The following NDRG1 variants were observed in gnomAD, a reference collection of about 807,000 sequenced individuals.
NDRG1 encodes protein NDRG1.
NDRG1 carries 32 observed loss-of-function variants against 56.9 expected under a neutral mutation model. The observed-to-expected ratio is 0.56, with a 90% CI of 0.42 to 0.76. The LOEUF (loss-of-function observed/expected upper bound fraction) is 0.76, where lower values mean the gene tolerates loss of function less well. Among genes scored for constraint, NDRG1 ranks in the 30% least tolerant of loss-of-function variants. The pLI, the probability that NDRG1 is intolerant of heterozygous loss-of-function variation, is 0.00. For missense variants in NDRG1, 507 were observed against 545.7 expected, an observed-to-expected ratio of 0.93 and a Z score of 0.71; for synonymous variants, 211 against 204.1, an observed-to-expected ratio of 1.03 and a Z score of -0.29.
chr8:133,266,390 C>T (rs1421175599), intron 3 of NDRG1, among the ~76,000 whole-genome samples: 2 of 152,242 alleles, frequency 1.3e-5, no homozygotes, highest in African/African-American at 2.4e-5. Context: ...CAGATCACTG[C>T]CGTGTGGCAG....
chr8:133,259,311 G>A (rs908177162), intron 5 of NDRG1, 81 bp from the exon 6 acceptor site: 364 of 1,421,116 alleles, frequency 2.6e-4, no homozygotes, highest in Middle Eastern at 1.6e-3. Context: ...TGAAGGGTGG[G>A]GACCATGCAG....
intron 9 of NDRG1, among the ~76,000 whole-genome samples, chr8:133,253,194 G>A (rs1856168702): frequency 6.6e-6 from 1 of 152,244 alleles, no homozygotes; most frequent in African/African-American, 2.4e-5. Flanking sequence ...GGGCCAGGCA[G>A]GCTGGGCTGA....
At chr8:133,284,421 C>T (rs1203375094) in intron 1 of NDRG1, 92 bp from the exon 2 acceptor site, 14 of 1,155,666 alleles carry the variant, frequency 1.2e-5, no homozygotes, top group Non-Finnish European at 1.7e-5. Context: ...GAAGGCCAGG[C>T]CTGCGCTCTG....
At chr8:133,275,635 T>C (rs1427016866) in intron 3 of NDRG1, among the ~76,000 whole-genome samples, 1 of 152,202 alleles carries the variant, frequency 6.6e-6, no homozygotes, top group African/African-American at 2.4e-5. Context: ...TTCACTGTTA[T>C]CTTCAAAGCA....
At chr8:133,266,195 G>A (rs1005476081) in intron 3 of NDRG1, among the ~76,000 whole-genome samples, 1 of 152,206 alleles carries the variant, frequency 6.6e-6, no homozygotes. Context: ...CAGCCTCCGC[G>A]GGGCCCCAGG....
At chr8:133,251,671 A>G (rs1856055025) in intron 9 of NDRG1, among the ~76,000 whole-genome samples, 1 of 152,224 alleles carries the variant, frequency 6.6e-6, no homozygotes, top group African/African-American at 2.4e-5. Flanking sequence ...TGTGGAATGA[A>G]TCGTAAAAGG....
At position 133,292,062 on chromosome 8, in the gene NDRG1, TGGCAGACAGAA is replaced by T. The variant is rs533345159; in HGVS notation, c.-19+5061_-19+5071del. ...GTTTTGGCAGCACGAGTAATTTGTTTGGCAGACAGAAGACGACCGTCTGAGGGGACGAGGTG... is the reference window on the plus strand; with the variant it reads ...GTTTTGGCAGCACGAGTAATTTGTTTGACGACCGTCTGAGGGGACGAGGTG... On this transcript the variant is annotated intron_variant, in intron 1 of 15. Transcript: ENST00000323851. Among the ~76,000 whole-genome samples, 13 of 152,236 alleles carry T rather than the reference TGGCAGACAGAA, an allele frequency of 8.5e-5. No individual in the cohort carries two copies. The South Asian group carries it at 2.5e-3, about 29-fold the overall frequency.
At chr8:133,247,332 AC>A (rs1312570286) in intron 12 of NDRG1, among the ~76,000 whole-genome samples, 2 of 152,248 alleles carry the variant, frequency 1.3e-5, no homozygotes, top group African/African-American at 4.8e-5. Context: ...AGATCACTGC[AC>A]AAAGCATGGC....
At chr8:133,239,282 CGG>C in intron 15 of NDRG1, 163 bp from the exon 16 acceptor site, 1 of 1,131,816 alleles carries the variant, frequency 8.8e-7, no homozygotes, top group Non-Finnish European at 1.3e-6. Flanking sequence ...CATGTCCACT[CGG>C]AGAGAGAGAT....
intron 9 of NDRG1, among the ~76,000 whole-genome samples, chr8:133,251,914 C>G (rs971025014): frequency 2.0e-5 from 3 of 152,092 alleles, no homozygotes; most frequent in Non-Finnish European, 4.4e-5. Context: ...AGGAGAAGAC[C>G]ATGTGAAGAC....
At chr8:133,251,321 G>A (rs1227086270) in intron 9 of NDRG1, among the ~76,000 whole-genome samples, 2 of 152,204 alleles carry the variant, frequency 1.3e-5, no homozygotes, top group Non-Finnish European at 2.9e-5. Context: ...GGAGTTGGGG[G>A]TCAAAGAAAG....
intron 12 of NDRG1, among the ~76,000 whole-genome samples, chr8:133,247,124 G>A (rs1001322422): frequency 6.6e-6 from 1 of 152,144 alleles, no homozygotes; most frequent in Non-Finnish European, 1.5e-5. Context: ...GGGGCATCTG[G>A]AATTGGGCAG....
At chr8:133,258,566 A>G (rs1856500486) in intron 6 of NDRG1, 140 bp from the exon 7 acceptor site, 4 of 813,086 alleles carry the variant, frequency 4.9e-6, no homozygotes, top group Admixed American at 4.1e-5. Flanking sequence ...CACAGCTCTG[A>G]GGTCACCATG....
At chr8:133,243,654 CT>C (rs778370932) in intron 14 of NDRG1, among the ~76,000 whole-genome samples, 3 of 152,014 alleles carry the variant, frequency 2.0e-5, no homozygotes, top group Non-Finnish European at 2.9e-5. Flanking sequence ...TACATCTGTT[CT>C]CATTTTAAGT....
Position 133,266,274 on chromosome 8 carries a change from C to T in NDRG1, c.100-1622G>A, listed in dbSNP as rs575202763. On this transcript the variant is annotated intron_variant, in intron 3 of 15. Coordinates refer to ENST00000323851, the MANE Select transcript of NDRG1 (RefSeq NM_006096.4). ...CTCACGAGGCCACCTCAGCTCAGCA[C>T]GCTGCATTGATTTTCCAAAGATTAA... 3.9e-5 allele frequency among the ~76,000 whole-genome samples: 6 copies of T among 152,374 alleles called. No individual in the cohort carries two copies. In the South Asian group the frequency reaches 8.3e-4, roughly 21 times the overall value.
chr8:133,262,004 C>T, intron 5 of NDRG1, 43 bp downstream of exon 5: 1 of 1,543,990 alleles, frequency 6.5e-7, no homozygotes, highest in Non-Finnish European at 8.7e-7. Flanking sequence ...CCCCGACACC[C>T]AGTTTCCACC....
chr8:133,263,530 C>T (rs1045136280), intron 4 of NDRG1, among the ~76,000 whole-genome samples: 5 of 152,200 alleles, frequency 3.3e-5, no homozygotes, highest in Admixed American at 2.6e-4. Context: ...CTAAGAAAAC[C>T]CTCCTGGTAA....
intron 10 of NDRG1, among the ~76,000 whole-genome samples, chr8:133,250,184 T>C (rs1855934422): frequency 6.6e-6 from 1 of 152,204 alleles, no homozygotes; most frequent in Non-Finnish European, 1.5e-5. Flanking sequence ...AGTGTGCGAC[T>C]GCGTCCCTCT....
In NDRG1 at chr8:133,242,117, G is replaced by A. The variant is rs770617112; in HGVS notation, c.892-43C>T. The A allele has an allele frequency of 5.6e-6, 9 of 1,610,472 alleles. No homozygotes were observed. In the South Asian group the frequency reaches 7.7e-5, roughly 14 times the overall value. On this transcript the variant is annotated intron_variant, in intron 14 of 15. Coordinates refer to ENST00000323851, the MANE Select transcript of NDRG1 (RefSeq NM_006096.4). ...AGAAAATGCAGTCAGTTGCTGGGGA[G>A]CCAGATCACCCGAGGCCATGGGGGG... is the stretch of plus-strand genomic sequence containing the variant.
Sources: gnomAD v4.1 joint callset for allele counts (sites outside exome capture counted in the v4.1 genomes callset) on GRCh38, gnomAD v4.1.1 for gene constraint, MANE v1.5 for transcripts, NCBI Gene and HGNC (gene_info 2026-07-23, HGNC 2026-07-21) for gene names.